Variants in USP34 observed in about 807,000 individuals in gnomAD.
USP34 encodes the protein ubiquitin specific peptidase 34.
Under a neutral mutation model 460.3 loss-of-function variants are expected in USP34, and 70 were observed. The observed-to-expected ratio is 0.15, with a 90% CI of 0.13 to 0.19. The LOEUF is 0.19. Among genes scored for constraint, USP34 ranks in the 10% least tolerant of loss-of-function variants. The pLI is 1.00. For missense variants in USP34, 3,985 were observed against 4,236.2 expected (o/e 0.94, Z 1.65); for synonymous variants, 1,647 against 1,405.3 (o/e 1.17, Z -3.85).
chr2:61,416,504 C>A (rs908757311), intron 2 of USP34, among the ~76,000 whole-genome samples: 1 of 151,872 alleles, frequency 6.6e-6, no homozygotes, highest in East Asian at 1.9e-4. Context: ...TGTTAAGGAA[C>A]GTGGAATTTC....
intron 27 of USP34, among the ~76,000 whole-genome samples, chr2:61,304,878 T>C (rs1483025087): frequency 1.3e-5 from 2 of 152,212 alleles, no homozygotes; most frequent in Non-Finnish European, 2.9e-5. Context: ...TAACTGCTTA[T>C]TCTTTATCAG....
chr2:61,449,243 A>T (rs1284191171), intron 1 of USP34, among the ~76,000 whole-genome samples: 1 of 113,518 alleles, frequency 8.8e-6, no homozygotes, highest in Non-Finnish European at 1.8e-5. Context: ...GATGACAGTG[A>T]GACTCCCTCT....
chr2:61,401,540 ATTTTTT>A (rs1156550372), intron 3 of USP34, among the ~76,000 whole-genome samples: 13 of 62,416 alleles, frequency 2.1e-4, no homozygotes, highest in Non-Finnish European at 3.1e-4. Flanking sequence ...ACCTGGCCCT[ATTTTTT>A]TTTTTTTTTT....
rs1304262523 is a variant in USP34, at chr2:61,394,997, T to C, written c.609A>G (p.Val203=). 1.0e-5 allele frequency: 16 copies of C among 1,581,774 alleles called. No homozygotes were observed. Among genetic ancestry groups the C allele is most frequent in the Non-Finnish European group, 1.3e-5 (15 of 1,170,834 alleles). ...AACGAAGCAAATGCAATGGTACTTC[T>C]ACATCCTGGGAAAATAAAGAAAACA... is the stretch of plus-strand genomic sequence containing the variant. The part of the protein sequence containing the change: ...ILGAFCDMND[V]EVPLHLLRYV... Residue 203 remains valine, a synonymous_variant, in exon 5 of 80, where the codon GTA becomes GTG. Transcript: ENST00000398571.
chr2:61,204,184 T>A, intron 74 of USP34, 72 bp downstream of exon 74: 1 of 1,599,050 alleles, frequency 6.3e-7, no homozygotes, highest in Non-Finnish European at 8.5e-7. Context: ...AACCTATTCA[T>A]AACTGCCAGG....
At chr2:61,410,238 G>A (rs1693998853) in intron 2 of USP34, among the ~76,000 whole-genome samples, 1 of 152,188 alleles carries the variant, frequency 6.6e-6, no homozygotes, top group Non-Finnish European at 1.5e-5. Flanking sequence ...CCTACAACTA[G>A]ACGGTACCAT....
chr2:61,354,136 T>C (rs959927052), intron 10 of USP34, among the ~76,000 whole-genome samples: 5 of 152,154 alleles, frequency 3.3e-5, no homozygotes, highest in Non-Finnish European at 7.3e-5. Flanking sequence ...ATGAAAGACA[T>C]GAATCTACAA....
At chr2:61,406,920 G>C (rs1693891037) in intron 2 of USP34, among the ~76,000 whole-genome samples, 1 of 152,074 alleles carries the variant, frequency 6.6e-6, no homozygotes, top group Non-Finnish European at 1.5e-5. Context: ...TGAGGTAGGA[G>C]AATCACTTGA....
At chr2:61,342,476 T>TA (rs1226769847) in intron 16 of USP34, among the ~76,000 whole-genome samples, 4 of 151,586 alleles carry the variant, frequency 2.6e-5, no homozygotes, top group Non-Finnish European at 2.9e-5. Context: ...AATTTATTTT[T>TA]TTTTTTTGTA....
chr2:61,259,564 TTAG>T, intron 44 of USP34, 144 bp downstream of exon 44: 1 of 590,882 alleles, frequency 1.7e-6, no homozygotes, highest in Non-Finnish European at 2.9e-6. Flanking sequence ...ATTTTTTTTT[TTAG>T]TAGAGATGGG....
chr2:61,295,204 C>A lies in USP34; in HGVS notation c.4341G>T (p.Leu1447=), dbSNP rs753348529. Residue 1447 remains leucine (L), a synonymous_variant, in exon 31 of 80, where the codon CTG becomes CTT. Coordinates refer to ENST00000398571, the MANE Select transcript of USP34 (RefSeq NM_014709.4). ...LLYALEIIEA[L]GKPNRRIRRE... The stretch of plus-strand genomic sequence containing the variant: ...TCCTTATTCTTCTATTAGGTTTTCC[C>A]AGTGCTTCAATAATTTCCAGAGCAT... 3.1e-6 allele frequency: 5 copies of A among 1,611,942 alleles called. No homozygotes were observed. The Admixed American group carries it at 8.4e-5, about 27-fold the overall frequency.
chr2:61,212,556 A>T (rs1031630029), intron 68 of USP34, among the ~76,000 whole-genome samples: 1 of 152,232 alleles, frequency 6.6e-6, no homozygotes, highest in Non-Finnish European at 1.5e-5. Context: ...TAAAAAGTAA[A>T]AACAAATATT....
chr2:61,206,857 G>T lies in USP34; in HGVS notation c.8949C>A (p.His2983Gln). 1 of 1,613,444 alleles carries T rather than the reference G, an allele frequency of 6.2e-7. No individual in the cohort carries two copies. The highest frequency in any genetic ancestry group is 1.7e-5 in the Admixed American group (1 of 59,906). Reference protein sequence around the residue: ...ESFNTLHMMYHEATACHVTGD... With the variant: ...ESFNTLHMMYQEATACHVTGD... The stretch of plus-strand genomic sequence containing the variant: ...CAGTCACATGGCAAGCTGTAGCTTC[G>T]TGATACATCATGTGCAAAGTGTTGA... Residue 2983 changes from histidine to glutamine, a missense_variant, in exon 71 of 80, where the codon CAC becomes CAA. Physicochemically the swap from His to Gln is conservative, Grantham distance 24. Transcript: ENST00000398571.
intron 1 of USP34, among the ~76,000 whole-genome samples, chr2:61,442,093 C>A (rs1170728937): frequency 6.6e-6 from 1 of 152,010 alleles, no homozygotes; most frequent in Non-Finnish European, 1.5e-5. Flanking sequence ...TGAAACTATA[C>A]CCTCACTCCT....
chr2:61,451,312 G>T (rs943736206), intron 1 of USP34, among the ~76,000 whole-genome samples: 1 of 149,526 alleles, frequency 6.7e-6, no homozygotes, highest in Admixed American at 6.7e-5. Context: ...ATTATAAAGT[G>T]ACTAAATTAA....
At chr2:61,297,863 G>A (rs995946598) in intron 29 of USP34, among the ~76,000 whole-genome samples, 1 of 152,110 alleles carries the variant, frequency 6.6e-6, no homozygotes, top group Non-Finnish European at 1.5e-5. Context: ...CAATGTCAAG[G>A]AAATCTTAGA....
chr2:61,366,501 C>T (rs1692445904), intron 10 of USP34, among the ~76,000 whole-genome samples: 1 of 152,140 alleles, frequency 6.6e-6, no homozygotes, highest in South Asian at 2.1e-4. Context: ...CAGAGATCTT[C>T]CCTGGGGGAG....
chr2:61,345,471 A>C (rs1691739776), intron 15 of USP34, among the ~76,000 whole-genome samples: 1 of 152,204 alleles, frequency 6.6e-6, no homozygotes, highest in South Asian at 2.1e-4. Flanking sequence ...AGCAAAACTC[A>C]ATCTGATAAA....
At chr2:61,307,761 G>A (rs1242138806) in intron 27 of USP34, among the ~76,000 whole-genome samples, 1 of 152,090 alleles carries the variant, frequency 6.6e-6, no homozygotes, top group East Asian at 1.9e-4. Context: ...AGAAGGGTCT[G>A]AAAAGGCCGG....
Sources: gnomAD v4.1 joint callset for allele counts (sites outside exome capture counted in the v4.1 genomes callset) on GRCh38, gnomAD v4.1.1 for gene constraint, MANE v1.5 for transcripts, NCBI Gene and HGNC (gene_info 2026-07-23, HGNC 2026-07-21) for gene names.